The following ZNF385D variants were observed in gnomAD, a reference collection of about 807,000 sequenced individuals.
The protein encoded by ZNF385D is zinc finger protein 385D.
Under a neutral mutation model 35.8 loss-of-function variants are expected in ZNF385D, and 15 were observed. The observed-to-expected ratio is 0.42, with a 90% confidence interval of 0.28 to 0.64. ZNF385D has a LOEUF of 0.64. ZNF385D is among the 30% of genes least tolerant of loss of function. The pLI, the probability that ZNF385D is intolerant of heterozygous loss-of-function variation, is 0.23. For missense variants in ZNF385D, 474 were observed against 494.6 expected, an observed-to-expected ratio of 0.96 and a Z score of 0.39; for synonymous variants, 212 against 186.8, an observed-to-expected ratio of 1.13 and a Z score of -1.10.
chr3:21,591,044 A>AAT (rs2063961992), intron 2 of ZNF385D, among the ~76,000 whole-genome samples: 2 of 152,006 alleles, frequency 1.3e-5, no homozygotes, highest in Non-Finnish European at 2.9e-5. Flanking sequence ...AAAAAAAATT[A>AAT]AAAATGAGCT....
intron 3 of ZNF385D, among the ~76,000 whole-genome samples, chr3:21,870,557 G>A (rs1384568660): frequency 6.6e-6 from 1 of 152,124 alleles, no homozygotes; most frequent in Non-Finnish European, 1.5e-5. Flanking sequence ...AATACAAGCT[G>A]AGATTCATAT....
At chr3:21,976,919 C>T (rs377190756) in intron 3 of ZNF385D, among the ~76,000 whole-genome samples, 1 of 152,182 alleles carries the variant, frequency 6.6e-6, no homozygotes, top group Non-Finnish European at 1.5e-5. Context: ...ACCTGGGAGG[C>T]GGAGGTTGCA....
upstream of ZNF385D, chr3:21,751,236 A>ACGCC: frequency 6.8e-5 from 75 of 1,106,338 alleles, no homozygotes; most frequent in Middle Eastern, 3.8e-4. Context: ...AGACCCCTCC[A>ACGCC]CCCCACCCCA....
chr3:21,821,050 C>G (rs1430972206), intron 3 of ZNF385D, among the ~76,000 whole-genome samples: 1 of 151,912 alleles, frequency 6.6e-6, no homozygotes, highest in African/African-American at 2.4e-5. Flanking sequence ...AAATATCCAA[C>G]AGGTAAAAAT....
intron 3 of ZNF385D, among the ~76,000 whole-genome samples, chr3:21,964,859 A>C (rs569072820): frequency 4.6e-5 from 7 of 152,152 alleles, no homozygotes; most frequent in Non-Finnish European, 8.8e-5. Flanking sequence ...TTCTATTCTT[A>C]TTATAAATAT....
chr3:22,100,034 A>G (rs1174163174), intron 3 of ZNF385D, among the ~76,000 whole-genome samples: 1 of 151,866 alleles, frequency 6.6e-6, no homozygotes, highest in African/African-American at 2.4e-5. Flanking sequence ...ATATGAACAG[A>G]CACTTCTCAA....
intron 3 of ZNF385D, among the ~76,000 whole-genome samples, chr3:21,868,525 G>C (rs1697505521): frequency 6.6e-6 from 1 of 152,064 alleles, no homozygotes; most frequent in Admixed American, 6.6e-5. Flanking sequence ...TCCTTAATAA[G>C]AAATTCCTTC....
chr3:21,413,573 AC>A lies in ZNF385D; in HGVS notation c.*7640del, dbSNP rs1314270051. ...TGAGGTATTCTTGTTAGCAGGTAAA[AC>A]CTTATATGATCCTTTGCCAAGAGAT... On this transcript the variant is annotated 3_prime_UTR_variant, in exon 8 of 8. Coordinates refer to ENST00000281523, the MANE Select transcript of ZNF385D (RefSeq NM_024697.3). The A allele has an allele frequency of 2.6e-5, 4 of 151,500 alleles. No homozygotes were observed. The highest frequency in any genetic ancestry group is 2.0e-4 in the Admixed American group (3 of 15,174). The allele number at this position is 151,500 out of a possible 1,614,324, so 9.4% of individuals were successfully genotyped here.
chr3:21,668,554 A>T (rs7630501), intron 1 of ZNF385D, among the ~76,000 whole-genome samples: 110,188 of 152,112 alleles, frequency 0.72, 40,469 homozygotes, highest in Admixed American at 0.78. Flanking sequence ...AAGTAAAATG[A>T]AAAATTGCTT....
chr3:21,647,520 A>T (rs2065787819), intron 2 of ZNF385D, among the ~76,000 whole-genome samples: 2 of 151,818 alleles, frequency 1.3e-5, no homozygotes, highest in Non-Finnish European at 2.9e-5. Context: ...ACCCATGCTT[A>T]TTTTTCAGAG....
intron 3 of ZNF385D, among the ~76,000 whole-genome samples, chr3:22,130,281 C>T (rs1018224191): frequency 2.6e-5 from 4 of 152,124 alleles, no homozygotes; most frequent in African/African-American, 9.7e-5. Flanking sequence ...ATGCAAGTAT[C>T]CCCTTAGCCA....
chr3:21,874,119 A>G (rs897864762), intron 3 of ZNF385D, among the ~76,000 whole-genome samples: 2 of 151,954 alleles, frequency 1.3e-5, no homozygotes, highest in Non-Finnish European at 2.9e-5. Context: ...AACAGCACAC[A>G]AGGGTTCCAT....
rs143226477 is a variant in ZNF385D, at chr3:22,131,553, G to A, written c.325+37264C>T. On this transcript the variant is annotated intron_variant, in intron 3 of 5. Transcript: ENST00000494108. ...TAGAGAATGAAAAATGATGTATCAGGAGAGAATGGAAGGAACTGTTACAGG... is the reference window on the plus strand; with the variant it reads ...TAGAGAATGAAAAATGATGTATCAGAAGAGAATGGAAGGAACTGTTACAGG... Among the ~76,000 whole-genome samples the A allele has an allele frequency of 4.6e-5, 7 of 152,222 alleles. No homozygotes were observed. In the East Asian group the frequency reaches 1.2e-3, roughly 25 times the overall value.
rs186812354 is a variant in ZNF385D at position 21,744,526 on chromosome 3, T to C, written c.22+6369A>G. On this transcript the variant is annotated intron_variant, in intron 1 of 7. Transcript: ENST00000281523. ...AAACATTTTCAGCTACTTGTGCATA[T>C]AGGGTCTTTTATGCCCATCCCAGCC... is the stretch of plus-strand genomic sequence containing the variant. Among the ~76,000 whole-genome samples the C allele has an allele frequency of 1.8e-4, 27 of 152,322 alleles. 1 individual carries two copies. In the East Asian group the frequency reaches 4.6e-3, roughly 26 times the overall value.
At chr3:22,172,460 G>A (rs1304687494) in intron 2 of ZNF385D, among the ~76,000 whole-genome samples, 1 of 152,194 alleles carries the variant, frequency 6.6e-6, no homozygotes, top group Non-Finnish European at 1.5e-5. Context: ...GATGCAATGT[G>A]GTTCTTGCAG....
intron 3 of ZNF385D, among the ~76,000 whole-genome samples, chr3:22,079,949 G>C (rs1006931369): frequency 6.6e-6 from 1 of 151,848 alleles, no homozygotes; most frequent in Admixed American, 6.6e-5. Flanking sequence ...TATATAGATA[G>C]ATAGATAGGT....
chr3:21,797,941 C>T (rs1379571663), intron 3 of ZNF385D, among the ~76,000 whole-genome samples: 1 of 152,148 alleles, frequency 6.6e-6, no homozygotes, highest in Non-Finnish European at 1.5e-5. Context: ...TACCATTATA[C>T]ATTTGTCTAA....
intron 2 of ZNF385D, among the ~76,000 whole-genome samples, chr3:22,356,503 G>T (rs1696155747): frequency 6.6e-6 from 1 of 151,916 alleles, no homozygotes; most frequent in Non-Finnish European, 1.5e-5. Flanking sequence ...CTTGGCTATA[G>T]AAACTTCCGT....
Position 21,508,764 on chromosome 3 carries a change from C to T in ZNF385D, c.439+2097G>A, listed in dbSNP as rs189894651. Among the ~76,000 whole-genome samples the T allele has an allele frequency of 7.9e-5, 12 of 152,298 alleles. No individual in the cohort carries two copies. In the East Asian group the frequency reaches 2.3e-3, roughly 29 times the overall value. ...TGTCTATAAAAATGATACTAAACTT[C>T]TACACTTTGGAATACTGACTTCCAT... On this transcript the variant is annotated intron_variant, in intron 4 of 7. Transcript: ENST00000281523.
Sources: gnomAD v4.1 joint callset for allele counts (sites outside exome capture counted in the v4.1 genomes callset) on GRCh38, gnomAD v4.1.1 for gene constraint, MANE v1.5 for transcripts, NCBI Gene and HGNC (gene_info 2026-07-23, HGNC 2026-07-21) for gene names.